The following PCCA variants were observed in gnomAD, a reference collection of about 807,000 sequenced individuals.
The protein encoded by PCCA is propionyl-CoA carboxylase subunit alpha, also known as propionyl-CoA carboxylase alpha chain, mitochondrial.
Under a neutral mutation model 101.3 loss-of-function variants are expected in PCCA, and 74 were observed. The ratio of observed to expected loss-of-function variants is 0.73; its 90% confidence interval spans 0.61 to 0.89. PCCA has a LOEUF of 0.89. Among genes scored for constraint, PCCA ranks in the 40% least tolerant of loss-of-function variants. The pLI is 0.00. For synonymous variants in PCCA, 294 were observed against 313.6 expected, an observed-to-expected ratio of 0.94 and a Z score of 0.66; for missense variants, 891 against 907.0, an observed-to-expected ratio of 0.98 and a Z score of 0.23.
At chr13:100,250,734 T>C (rs1722770793) in intron 8 of PCCA, among the ~76,000 whole-genome samples, 1 of 152,202 alleles carries the variant, frequency 6.6e-6, no homozygotes, top group Non-Finnish European at 1.5e-5. Context: ...TGGATTTTGT[T>C]ACCTTTATTT....
chr13:100,237,490 A>G (rs1433637055), intron 8 of PCCA: 2 of 152,180 alleles, frequency 1.3e-5, no homozygotes, highest in African/African-American at 4.8e-5. Flanking sequence ...AAACTGGACT[A>G]TATAGAACTG....
chr13:100,514,056 TCTCCTCGCTTTTTCC>T (rs1391594527), intron 21 of PCCA, among the ~76,000 whole-genome samples: 2 of 152,168 alleles, frequency 1.3e-5, no homozygotes, highest in Non-Finnish European at 2.9e-5. Context: ...CAGCGTGCAC[TCTCCTCGCTTTTTCC>T]CTCACCACTT....
At chr13:100,237,586 A>G (rs2060876689) in intron 8 of PCCA, 2 of 152,232 alleles carry the variant, frequency 1.3e-5, no homozygotes, top group East Asian at 1.9e-4. Flanking sequence ...TAAGAGGCAT[A>G]TAATATACCT....
At chr13:100,401,699 A>G (rs923422305) in intron 19 of PCCA, among the ~76,000 whole-genome samples, 12 of 152,078 alleles carry the variant, frequency 7.9e-5, no homozygotes, top group Admixed American at 2.0e-4. Flanking sequence ...TCTGTGTACA[A>G]TTTCTGGTAA....
intron 8 of PCCA, among the ~76,000 whole-genome samples, chr13:100,240,907 T>G (rs963920616): frequency 6.6e-6 from 1 of 151,686 alleles, no homozygotes; most frequent in South Asian, 2.1e-4. Context: ...AAATCTTAAG[T>G]GTGTATTTGT....
chr13:100,348,509 A>G (rs1161953663), intron 18 of PCCA, among the ~76,000 whole-genome samples: 1 of 152,192 alleles, frequency 6.6e-6, no homozygotes, highest in Non-Finnish European at 1.5e-5. Flanking sequence ...AGCTAGTTAT[A>G]TTAAACAACC....
intron 19 of PCCA, among the ~76,000 whole-genome samples, chr13:100,388,220 A>G (rs904246888): frequency 2.0e-5 from 3 of 152,180 alleles, no homozygotes; most frequent in Non-Finnish European, 2.9e-5. Context: ...TATAAGCCCA[A>G]CAGTTTAAGA....
In PCCA at chr13:100,468,591, C is replaced by T. The variant is rs192623411; in HGVS notation, c.1899+19286C>T. Reference sequence around the variant, plus strand: ...AGTTTCTTTAAACCTCATGAATCAACTTCTGCTAGCTTCACACTTTTCTTT... The same window carrying T: ...AGTTTCTTTAAACCTCATGAATCAATTTCTGCTAGCTTCACACTTTTCTTT... On this transcript the variant is annotated intron_variant, in intron 21 of 23. Coordinates refer to ENST00000376285, the MANE Select transcript of PCCA (RefSeq NM_000282.4). Among the ~76,000 whole-genome samples, 322 of 152,314 alleles carry T rather than the reference C, an allele frequency of 2.1e-3. 4 individuals are homozygous for T. The highest frequency in any genetic ancestry group is 7.3e-3 in the African/African-American group (305 of 41,568).
intron 4 of PCCA, among the ~76,000 whole-genome samples, chr13:100,132,509 C>G (rs957520791): frequency 6.6e-6 from 1 of 152,070 alleles, no homozygotes; most frequent in South Asian, 2.1e-4. Context: ...TTTTTATTAC[C>G]GAGTAGTGTT....
intron 6 of PCCA, among the ~76,000 whole-genome samples, chr13:100,176,007 C>G (rs1022138519): frequency 6.6e-6 from 1 of 152,178 alleles, no homozygotes; most frequent in Non-Finnish European, 1.5e-5. Context: ...CAAGTCTGAT[C>G]GTTATGCAAT....
chr13:100,361,048 C>T (rs1020271890), intron 18 of PCCA, among the ~76,000 whole-genome samples: 2 of 152,088 alleles, frequency 1.3e-5, no homozygotes, highest in African/African-American at 4.8e-5. Context: ...TCTGAAAAGG[C>T]AGCATTCTGT....
At chr13:100,312,041 G>A (rs1191626575) in intron 16 of PCCA, among the ~76,000 whole-genome samples, 5 of 152,114 alleles carry the variant, frequency 3.3e-5, no homozygotes, top group African/African-American at 9.7e-5. Flanking sequence ...GGACACTGAT[G>A]ATCTTTATCT....
At chr13:100,233,101 G>A (rs149337799) in intron 7 of PCCA, among the ~76,000 whole-genome samples, 1 of 152,124 alleles carries the variant, frequency 6.6e-6, no homozygotes, top group Non-Finnish European at 1.5e-5. Context: ...ATGTCTCTCT[G>A]TGTTCACTCA....
chr13:100,167,404 G>C (rs7324290), intron 6 of PCCA, among the ~76,000 whole-genome samples: 47,110 of 151,738 alleles, frequency 0.31, 8,240 homozygotes, highest in East Asian at 0.72. Context: ...ACAAAAATTA[G>C]ATGGGCTTGG....
chr13:100,479,352 C>A (rs2083693046), intron 21 of PCCA, among the ~76,000 whole-genome samples: 1 of 152,098 alleles, frequency 6.6e-6, no homozygotes, highest in South Asian at 2.1e-4. Flanking sequence ...GGCCCTTGAA[C>A]AATATGGGGG....
intron 19 of PCCA, among the ~76,000 whole-genome samples, chr13:100,393,161 G>A (rs993097678): frequency 6.6e-6 from 1 of 152,020 alleles, no homozygotes; most frequent in African/African-American, 2.4e-5. Flanking sequence ...ATTTAATAGC[G>A]TTCTTTAAGA....
intron 6 of PCCA, among the ~76,000 whole-genome samples, chr13:100,208,396 C>T (rs2059000908): frequency 6.6e-6 from 1 of 152,126 alleles, no homozygotes; most frequent in Non-Finnish European, 1.5e-5. Flanking sequence ...TACAAATATG[C>T]AGTTTATTGT....
intron 19 of PCCA, among the ~76,000 whole-genome samples, chr13:100,390,238 A>G (rs560423308): frequency 4.6e-5 from 7 of 152,308 alleles, no homozygotes; most frequent in Middle Eastern, 3.4e-3. Context: ...TTTCATTTCT[A>G]TTCCAATCCT....
chr13:100,191,437 G>A (rs924383694), intron 6 of PCCA, among the ~76,000 whole-genome samples: 4 of 152,070 alleles, frequency 2.6e-5, no homozygotes, highest in South Asian at 2.1e-4. Context: ...AGCTTACTAC[G>A]GGTCACCTCC....
Sources: allele counts gnomAD v4.1 joint callset (sites outside exome capture counted in the v4.1 genomes callset), GRCh38; gene constraint gnomAD v4.1.1; transcripts MANE v1.5; gene names NCBI Gene and HGNC (gene_info 2026-07-23, HGNC 2026-07-21).